BICC1: variants seen among roughly 807,000 people sequenced by gnomAD.
BICC1 encodes the protein BicC family RNA binding protein 1.
In BICC1, 43 loss-of-function variants were observed where a neutral mutation model predicts 111.0. The ratio of observed to expected loss-of-function variants is 0.39; its 90% CI spans 0.30 to 0.50. The LOEUF (loss-of-function observed/expected upper bound fraction) is 0.50. Ranked by LOEUF, BICC1 falls within the 20% of genes least tolerant of loss-of-function variation. The pLI is 0.88. For synonymous variants in BICC1, 467 were observed against 434.4 expected (o/e 1.07, Z -0.93); for missense variants, 1,091 against 1,203.2 (o/e 0.91, Z 1.38).
At chr10:58,674,819 G>A (rs918805127) in intron 2 of BICC1, among the ~76,000 whole-genome samples, 2 of 152,184 alleles carry the variant, frequency 1.3e-5, no homozygotes, top group African/African-American at 4.8e-5. Flanking sequence ...GGTGAGGATA[G>A]GACAGTGGCT....
intron 1 of BICC1, among the ~76,000 whole-genome samples, chr10:58,565,319 T>C (rs1173723220): frequency 6.6e-6 from 1 of 152,198 alleles, no homozygotes; most frequent in African/African-American, 2.4e-5. Context: ...GACCCTCATC[T>C]CTAAAGACTT....
intron 17 of BICC1, among the ~76,000 whole-genome samples, chr10:58,810,394 T>C (rs1843863254): frequency 6.6e-6 from 1 of 152,184 alleles, no homozygotes; most frequent in Non-Finnish European, 1.5e-5. Context: ...GCATGGACAT[T>C]AACCATGTAA....
chr10:58,780,788 A>T (rs948683151), intron 3 of BICC1, among the ~76,000 whole-genome samples: 1 of 152,232 alleles, frequency 6.6e-6, no homozygotes, highest in African/African-American at 2.4e-5. Flanking sequence ...TCATAAAAAC[A>T]TTCAGTATTC....
intron 2 of BICC1, among the ~76,000 whole-genome samples, chr10:58,668,740 C>G (rs879891801): frequency 6.6e-6 from 1 of 151,990 alleles, no homozygotes; most frequent in Non-Finnish European, 1.5e-5. Flanking sequence ...ATTTTTCCTT[C>G]TCTTCTACTA....
chr10:58,667,651 G>A (rs919937719), intron 2 of BICC1, among the ~76,000 whole-genome samples: 11 of 152,088 alleles, frequency 7.2e-5, no homozygotes, highest in Non-Finnish European at 1.2e-4. Context: ...GTAGAGGGGA[G>A]GAAGTAAGCC....
intron 3 of BICC1, among the ~76,000 whole-genome samples, chr10:58,768,837 TG>T (rs1377503469): frequency 2.0e-5 from 3 of 151,912 alleles, no homozygotes; most frequent in Non-Finnish European, 4.4e-5. Context: ...ATACCACTAT[TG>T]AAAATCATGA....
At chr10:58,671,202 A>G (rs1352923284) in intron 2 of BICC1, among the ~76,000 whole-genome samples, 1 of 152,198 alleles carries the variant, frequency 6.6e-6, no homozygotes, top group African/African-American at 2.4e-5. Flanking sequence ...AATTGTCTGC[A>G]GACATAGAAA....
intron 20 of BICC1, among the ~76,000 whole-genome samples, chr10:58,826,648 A>G (rs941066046): frequency 2.1e-4 from 18 of 87,514 alleles, no homozygotes; most frequent in African/African-American, 7.2e-4. Flanking sequence ...AGTCCCAGCT[A>G]CTCGGGAGGC....
At chr10:58,694,325 A>T (rs1211913062) in intron 2 of BICC1, among the ~76,000 whole-genome samples, 1 of 152,192 alleles carries the variant, frequency 6.6e-6, no homozygotes, top group Admixed American at 6.5e-5. Context: ...CAGAACTGAT[A>T]ACAGCCATGT....
intron 2 of BICC1, among the ~76,000 whole-genome samples, chr10:58,663,982 G>A (rs1040419367): frequency 4.6e-5 from 7 of 152,184 alleles, no homozygotes; most frequent in Admixed American, 2.0e-4. Context: ...TGGAATTTGA[G>A]TCATTTTTAA....
chr10:58,579,189 G>C (rs1252507075), intron 1 of BICC1, among the ~76,000 whole-genome samples: 1 of 152,080 alleles, frequency 6.6e-6, no homozygotes. Flanking sequence ...TGTCACCTTG[G>C]GTCAGTTGTG....
At position 58,678,054 on chromosome 10, in the gene BICC1, GA is replaced by G. The variant is rs1839398342; in HGVS notation, c.238-24017del. On this transcript the variant is annotated intron_variant, in intron 2 of 20. Coordinates refer to ENST00000373886, the MANE Select transcript of BICC1 (RefSeq NM_001080512.3). ...GCTCCTGAAGGAAGCACTAAATATG[GA>G]AAGGAAAAAACGGGACCAGCTGCTG... Among the ~76,000 whole-genome samples, 4 of 152,234 alleles carry G rather than the reference GA, an allele frequency of 2.6e-5. No individual in the cohort carries two copies. In the South Asian group the frequency reaches 8.3e-4, roughly 32 times the overall value.
At chr10:58,712,819 G>T (rs1840618445) in intron 3 of BICC1, among the ~76,000 whole-genome samples, 1 of 152,178 alleles carries the variant, frequency 6.6e-6, no homozygotes, top group Non-Finnish European at 1.5e-5. Flanking sequence ...AACAGGTTTT[G>T]AAGTTGATGT....
rs1407844387 is a variant in BICC1 at position 58,830,275 on chromosome 10, T to G, written c.*1384T>G. On this transcript the variant is annotated 3_prime_UTR_variant, in exon 21 of 21. Coordinates refer to ENST00000373886, the MANE Select transcript of BICC1 (RefSeq NM_001080512.3). Reference sequence around the variant, plus strand: ...AGAGATCTTATAGATTTATGAAGTGTTTTTAATCCATGAAGAAACACTAAA... The same window carrying G: ...AGAGATCTTATAGATTTATGAAGTGGTTTTAATCCATGAAGAAACACTAAA... The G allele has an allele frequency of 6.6e-6, 1 of 152,130 alleles. No individual in the cohort carries two copies. The highest frequency in any genetic ancestry group is 2.4e-5 in the African/African-American group (1 of 41,436). 9.4% of individuals were successfully genotyped at this position (152,130 alleles called of 1,614,324 possible).
intron 2 of BICC1, among the ~76,000 whole-genome samples, chr10:58,621,187 A>G (rs1031677066): frequency 2.0e-5 from 3 of 152,206 alleles, no homozygotes; most frequent in Admixed American, 6.5e-5. Context: ...TGGCATTCAC[A>G]CTTCATTTGG....
intron 1 of BICC1, among the ~76,000 whole-genome samples, chr10:58,554,536 C>G (rs1843388856): frequency 6.6e-6 from 1 of 152,080 alleles, no homozygotes; most frequent in African/African-American, 2.4e-5. Context: ...GAAGTTCCTA[C>G]TCTTTTTTGT....
chr10:58,766,894 C>T (rs772458212), intron 3 of BICC1, among the ~76,000 whole-genome samples: 5 of 151,958 alleles, frequency 3.3e-5, no homozygotes, highest in African/African-American at 7.2e-5. Context: ...TTTGACCCAC[C>T]GAGAACACTG....
chr10:58,689,068 G>T (rs1181201020), intron 2 of BICC1, among the ~76,000 whole-genome samples: 1 of 152,032 alleles, frequency 6.6e-6, no homozygotes, highest in Non-Finnish European at 1.5e-5. Context: ...CATGTATTAA[G>T]AAAGAAAGAA....
At position 58,772,106 on chromosome 10, in the gene BICC1, T is replaced by C. The variant is rs1309591468; in HGVS notation, c.308-12895T>C. 3.3e-5 allele frequency among the ~76,000 whole-genome samples: 5 copies of C among 152,114 alleles called. No individual in the cohort carries two copies. The East Asian group carries it at 9.6e-4, about 29-fold the overall frequency. ...GCCCACAGTAGGCATTCGGTGAGCC[T>C]TGGGGAAGGATGTAAAAGACAGATA... On this transcript the variant is annotated intron_variant, in intron 3 of 20. Transcript: ENST00000373886.
Sources: gnomAD v4.1 joint callset for allele counts (sites outside exome capture counted in the v4.1 genomes callset) on GRCh38, gnomAD v4.1.1 for gene constraint, MANE v1.5 for transcripts, NCBI Gene and HGNC (gene_info 2026-07-23, HGNC 2026-07-21) for gene names.